The following ABI1 variants were observed in gnomAD, a reference collection of about 807,000 sequenced individuals.
The protein encoded by ABI1 is abl interactor 1, also known as Abelson interactor 1.
A neutral mutation model predicts 54.6 loss-of-function variants in ABI1; 14 were observed. The observed-to-expected ratio is 0.26, with a 90% CI of 0.17 to 0.40. The LOEUF (loss-of-function observed/expected upper bound fraction) is 0.40. ABI1 is among the 10% of genes least tolerant of loss of function. ABI1 has a pLI of 1.00. For missense variants in ABI1, 443 were observed against 598.3 expected, an observed-to-expected ratio of 0.74 and a Z score of 2.71; for synonymous variants, 194 against 209.3, an observed-to-expected ratio of 0.93 and a Z score of 0.63.
chr10:26,801,442 G>A (rs2046552144), intron 2 of ABI1, among the ~76,000 whole-genome samples: 3 of 151,988 alleles, frequency 2.0e-5, no homozygotes, highest in Admixed American at 6.6e-5. Flanking sequence ...AACTACTTAG[G>A]AGGCTGAGGT....
chr10:26,851,348 A>ATTTTTTT (rs397724445), intron 1 of ABI1, among the ~76,000 whole-genome samples: 2,185 of 67,766 alleles, frequency 0.032, 256 homozygotes, highest in African/African-American at 0.05. Context: ...GACTAAGCTA[A>ATTTTTTT]TTTTTTTTTT....
At chr10:26,850,949 C>T (rs866994645) in intron 1 of ABI1, among the ~76,000 whole-genome samples, 15 of 152,090 alleles carry the variant, frequency 9.9e-5, no homozygotes, top group South Asian at 4.1e-4. Flanking sequence ...TTAATAGTAA[C>T]AGAGAATAAT....
At chr10:26,757,445 A>T (rs918371474) in intron 8 of ABI1, among the ~76,000 whole-genome samples, 1 of 152,180 alleles carries the variant, frequency 6.6e-6, no homozygotes, top group East Asian at 1.9e-4. Context: ...AGAGTAAATT[A>T]AATGTCTAAG....
intron 1 of ABI1, among the ~76,000 whole-genome samples, chr10:26,852,897 T>C (rs2050510123): frequency 6.6e-6 from 1 of 152,150 alleles, no homozygotes; most frequent in Non-Finnish European, 1.5e-5. Context: ...CAAAATCCCA[T>C]CTCTACAAAA....
At chr10:26,790,489 T>A (rs1843287459) in intron 2 of ABI1, 1 of 152,104 alleles carries the variant, frequency 6.6e-6, no homozygotes, top group Admixed American at 6.5e-5. Context: ...ATGGGGTTGT[T>A]TTTTTTTCTT....
At chr10:26,761,362 C>A (rs771150381) in intron 7 of ABI1, among the ~76,000 whole-genome samples, 1 of 151,826 alleles carries the variant, frequency 6.6e-6, no homozygotes, top group Non-Finnish European at 1.5e-5. Flanking sequence ...TTTAGCAATT[C>A]TGAGCCTATT....
Position 26,762,182 on chromosome 10 carries a change from T to C in ABI1, c.821-2944A>G, listed in dbSNP as rs750372424. 7.9e-5 allele frequency among the ~76,000 whole-genome samples: 12 copies of C among 152,272 alleles called. No individual in the cohort carries two copies. In the South Asian group the frequency reaches 1.2e-3, roughly 16 times the overall value. On this transcript the variant is annotated intron_variant, in intron 7 of 10. Coordinates refer to ENST00000376140, the MANE Select transcript of ABI1 (RefSeq NM_001012750.3). ...TCACCATGCCCGGCTAAATTTTTTGTATTTTTTGCAGAGATGAGGTCTTGC... is the reference window on the plus strand; with the variant it reads ...TCACCATGCCCGGCTAAATTTTTTGCATTTTTTGCAGAGATGAGGTCTTGC...
rs538530610 is a variant in ABI1, at chr10:26,860,166, T to A, written c.117+581A>T. 8.2e-4 allele frequency among the ~76,000 whole-genome samples: 124 copies of A among 152,086 alleles called. No individual in the cohort carries two copies. The highest frequency in any genetic ancestry group is 2.2e-3 in the African/African-American group (92 of 41,468). ...AATGTGACTCATGACAAATTTTTTT[T>A]AAATAAATAAATAAATAAAAGACAC... On this transcript the variant is annotated intron_variant, in intron 1 of 10. Coordinates refer to ENST00000376140, the MANE Select transcript of ABI1 (RefSeq NM_001012750.3). This position sits in a 1 kb window ranked among gnomAD's most constrained non-coding sequence, Gnocchi z 4.1.
chr10:26,816,201 C>T (rs146189526), intron 2 of ABI1, among the ~76,000 whole-genome samples: 1 of 152,198 alleles, frequency 6.6e-6, no homozygotes, highest in African/African-American at 2.4e-5. Flanking sequence ...AACTGGCCAA[C>T]AAAGATGAAA....
At chr10:26,800,928 C>A (rs1388638701) in intron 2 of ABI1, among the ~76,000 whole-genome samples, 1 of 152,216 alleles carries the variant, frequency 6.6e-6, no homozygotes, top group African/African-American at 2.4e-5. Flanking sequence ...ATCACTTGAA[C>A]CCAGGAGGCA....
At chr10:26,754,263 C>A (rs765900024) in intron 9 of ABI1, among the ~76,000 whole-genome samples, 11 of 152,172 alleles carry the variant, frequency 7.2e-5, no homozygotes, top group Non-Finnish European at 8.8e-5. Flanking sequence ...GATGCCCCAG[C>A]CTCAGCCTAC....
At chr10:26,858,026 C>T (rs2050981280) in intron 1 of ABI1, among the ~76,000 whole-genome samples, 2 of 152,078 alleles carry the variant, frequency 1.3e-5, no homozygotes, top group Non-Finnish European at 2.9e-5. Context: ...AGCTACACAC[C>T]TTAGCTAAAC....
rs1840946615 is a variant in ABI1 at position 26,773,215 on chromosome 10, C to CTTTTTTTTTTTTTGTTTTTTTTTTTT, written c.463-2127_463-2126insAAAAAAAAAAAACAAAAAAAAAAAAA. Among the ~76,000 whole-genome samples the CTTTTTTTTTTTTTGTTTTTTTTTTTT allele has an allele frequency of 2.2e-5, 2 of 92,528 alleles. 1 individual carries two copies. Among genetic ancestry groups the CTTTTTTTTTTTTTGTTTTTTTTTTTT allele is most frequent in the Non-Finnish European group, 4.1e-5 (2 of 48,682 alleles). 60.7% of individuals were successfully genotyped at this position (92,528 alleles called of 152,430 possible). On this transcript the variant is annotated intron_variant, in intron 3 of 10. Transcript: ENST00000376140. ...AGGCACTAAATGTCTAATGCTAATTCTTTTTTTTTTTTTGCTGGCTCTGTT... is the reference window on the plus strand; with the variant it reads ...AGGCACTAAATGTCTAATGCTAATTCTTTTTTTTTTTTTGTTTTTTTTTTTTTTTTTTTTTTTTTGCTGGCTCTGTT...
chr10:26,755,256 A>C (rs1254518168), intron 9 of ABI1, among the ~76,000 whole-genome samples: 1 of 152,204 alleles, frequency 6.6e-6, no homozygotes, highest in African/African-American at 2.4e-5. Flanking sequence ...TTCATATTAA[A>C]TTTAATCTTA....
chr10:26,831,303 G>A (rs1415849235), intron 1 of ABI1, among the ~76,000 whole-genome samples: 1 of 152,006 alleles, frequency 6.6e-6, no homozygotes, highest in East Asian at 1.9e-4. Flanking sequence ...AGCAGTTTGG[G>A]AGGCCCAGGC....
At chr10:26,791,067 T>G (rs1288189629) in intron 2 of ABI1, among the ~76,000 whole-genome samples, 1 of 42,312 alleles carries the variant, frequency 2.4e-5, no homozygotes, top group African/African-American at 1.5e-4. Context: ...AGATTCCGTC[T>G]CAAAAAAAAA....
intron 2 of ABI1, among the ~76,000 whole-genome samples, chr10:26,794,243 A>G (rs1843834601): frequency 6.6e-6 from 1 of 152,056 alleles, no homozygotes; most frequent in African/African-American, 2.4e-5. Flanking sequence ...CAAAATAAAT[A>G]AAAATAAAAA....
At chr10:26,784,968 C>G (rs1341918579) in intron 2 of ABI1, among the ~76,000 whole-genome samples, 1 of 152,236 alleles carries the variant, frequency 6.6e-6, no homozygotes. Context: ...CCACCTGGCT[C>G]TCTTAGGTAG....
intron 2 of ABI1, chr10:26,789,158 G>C (rs1246952760): frequency 1.3e-5 from 2 of 152,000 alleles, no homozygotes; most frequent in African/African-American, 4.8e-5. Flanking sequence ...CAGGACACCA[G>C]GGAAAAGGAA....
Sources: allele counts gnomAD v4.1 joint callset (sites outside exome capture counted in the v4.1 genomes callset), GRCh38; gene constraint gnomAD v4.1.1; non-coding constraint Gnocchi (gnomAD v3.1); transcripts MANE v1.5; gene names NCBI Gene and HGNC (gene_info 2026-07-23, HGNC 2026-07-21).